Variants in EYA4 observed in about 807,000 individuals in gnomAD.
The protein encoded by EYA4 is protein phosphatase EYA4.
In EYA4, 31 loss-of-function variants were observed where a neutral mutation model predicts 87.9. The ratio of observed to expected loss-of-function variants is 0.35; its 90% confidence interval spans 0.27 to 0.48. The LOEUF is 0.48. Among genes scored for constraint, EYA4 ranks in the 20% least tolerant of loss-of-function variants. The pLI, the probability that EYA4 is intolerant of heterozygous loss-of-function variation, is 0.99. For missense variants in EYA4, 678 were observed against 761.4 expected, an observed-to-expected ratio of 0.89 and a Z score of 1.29; for synonymous variants, 263 against 270.6, an observed-to-expected ratio of 0.97 and a Z score of 0.28.
intron 2 of EYA4, among the ~76,000 whole-genome samples, chr6:133,328,276 A>T (rs73776025): frequency 0.022 from 3,345 of 152,230 alleles, 121 homozygotes; most frequent in African/African-American, 0.077. Flanking sequence ...ATATGTTATC[A>T]CTATTATTAT....
chr6:133,520,581 A>G (rs1330526750), intron 17 of EYA4, among the ~76,000 whole-genome samples: 6 of 124,170 alleles, frequency 4.8e-5, no homozygotes, highest in Admixed American at 3.6e-4. Flanking sequence ...TACAGATTCA[A>G]TGCCATCCCC....
chr6:133,421,041 T>A lies in EYA4; in HGVS notation c.84-25589T>A, dbSNP rs184990333. On this transcript the variant is annotated intron_variant, in intron 3 of 19. Transcript: ENST00000355286. ...TGCAGAAAGGAGATGGATAGACACC[T>A]TTAAAGAATTATTCTTCCCCCACTT... 2.0e-5 allele frequency among the ~76,000 whole-genome samples: 3 copies of A among 152,356 alleles called. No homozygotes were observed. In the East Asian group the frequency reaches 5.8e-4, roughly 29 times the overall value.
At chr6:133,525,041 G>A in intron 18 of EYA4, 113 bp from the exon 19 acceptor site, 3 of 1,613,640 alleles carry the variant, frequency 1.9e-6, no homozygotes, top group Non-Finnish European at 1.7e-6. Flanking sequence ...TGAGCGTATA[G>A]TGTCCAGATT....
At position 133,531,022 on chromosome 6, in the gene EYA4, G is replaced by T; in HGVS notation, c.*2217G>T. On this transcript the variant is annotated 3_prime_UTR_variant, in exon 20 of 20. Coordinates refer to ENST00000355286, the MANE Select transcript of EYA4 (RefSeq NM_004100.5). ...TACTGTATAGCTGGTTTCTTTAAAT[G>T]TTGATAGAATTGTGGCATTACATCT... 1 of 1,372,272 alleles carries T rather than the reference G, an allele frequency of 7.3e-7. No homozygotes were observed. Among genetic ancestry groups the T allele is most frequent in the Non-Finnish European group, 9.4e-7 (1 of 1,065,542 alleles). The allele number at this position is 1,372,272 out of a possible 1,614,324, so 85.0% of individuals were successfully genotyped here.
At chr6:133,356,721 CA>C (rs1373652764) in intron 2 of EYA4, among the ~76,000 whole-genome samples, 2 of 147,732 alleles carry the variant, frequency 1.4e-5, no homozygotes, top group African/African-American at 5.0e-5. Context: ...TATCTATTAG[CA>C]TTTGAAGTGT....
chr6:133,460,165 T>A (rs1368509140), intron 6 of EYA4, among the ~76,000 whole-genome samples: 1 of 152,160 alleles, frequency 6.6e-6, no homozygotes, highest in Non-Finnish European at 1.5e-5. Flanking sequence ...TAACTATGAT[T>A]GATTAGACTA....
intron 3 of EYA4, among the ~76,000 whole-genome samples, chr6:133,387,144 T>A (rs1786821570): frequency 6.6e-6 from 1 of 152,162 alleles, no homozygotes; most frequent in African/African-American, 2.4e-5. Flanking sequence ...TGCAACAGCT[T>A]AAAAAAATGA....
At chr6:133,470,134 C>T (rs1363540732) in intron 11 of EYA4, among the ~76,000 whole-genome samples, 1 of 149,682 alleles carries the variant, frequency 6.7e-6, no homozygotes, top group Non-Finnish European at 1.5e-5. Flanking sequence ...GTTGCCATTG[C>T]TTTTGGTGTT....
intron 13 of EYA4, among the ~76,000 whole-genome samples, chr6:133,505,817 T>C (rs545263144): frequency 4.6e-5 from 7 of 152,340 alleles, no homozygotes; most frequent in African/African-American, 1.4e-4. Context: ...CTGGGTCATA[T>C]GAACTAGCTG....
chr6:133,420,453 G>A (rs1583229623), intron 3 of EYA4, among the ~76,000 whole-genome samples: 2 of 152,118 alleles, frequency 1.3e-5, no homozygotes, highest in South Asian at 4.1e-4. Flanking sequence ...TCCTTGTTAG[G>A]ACAAGAGCTG....
chr6:133,482,916 A>C, intron 12 of EYA4, 116 bp from the exon 13 acceptor site: 1 of 861,034 alleles, frequency 1.2e-6, no homozygotes, highest in Non-Finnish European at 1.8e-6. Context: ...GAATAGTATT[A>C]TTTTCTATTA....
intron 6 of EYA4, 23 bp downstream of exon 6, chr6:133,456,671 C>T (rs762592222): frequency 7.0e-7 from 1 of 1,426,612 alleles, no homozygotes; most frequent in Non-Finnish European, 9.9e-7. Flanking sequence ...GCTCGTGTGT[C>T]CTTACGTACA....
chr6:133,288,443 A>C (rs184170269), intron 2 of EYA4, among the ~76,000 whole-genome samples: 2 of 152,314 alleles, frequency 1.3e-5, no homozygotes, highest in African/African-American at 4.8e-5. Flanking sequence ...GAAAAAGATT[A>C]TCCTGGAGTT....
chr6:133,426,704 C>T (rs979306347), intron 3 of EYA4, among the ~76,000 whole-genome samples: 11 of 152,126 alleles, frequency 7.2e-5, no homozygotes, highest in Non-Finnish European at 1.6e-4. Context: ...CCCACTTGCC[C>T]ATAACAAGCT....
chr6:133,405,990 G>A (rs1788667167), intron 3 of EYA4, among the ~76,000 whole-genome samples: 1 of 151,278 alleles, frequency 6.6e-6, no homozygotes, highest in Non-Finnish European at 1.5e-5. Flanking sequence ...GGAGAGCAGA[G>A]AGAATGCTGC....
At chr6:133,432,064 C>T (rs907856786) in intron 3 of EYA4, among the ~76,000 whole-genome samples, 3 of 149,538 alleles carry the variant, frequency 2.0e-5, no homozygotes, top group South Asian at 2.2e-4. Context: ...CCTTAACAAA[C>T]GGAAGCATTG....
chr6:133,499,559 A>G (rs1019171219), intron 13 of EYA4, among the ~76,000 whole-genome samples: 6 of 152,214 alleles, frequency 3.9e-5, no homozygotes, highest in Non-Finnish European at 1.5e-5. Context: ...AAGCTTGACA[A>G]CATTAACTAC....
At chr6:133,366,239 T>C (rs1313181836) in intron 2 of EYA4, among the ~76,000 whole-genome samples, 2 of 152,220 alleles carry the variant, frequency 1.3e-5, no homozygotes, top group Non-Finnish European at 2.9e-5. Flanking sequence ...CGGCTTTACC[T>C]AAATGAAACA....
intron 3 of EYA4, among the ~76,000 whole-genome samples, chr6:133,393,710 A>G (rs904428589): frequency 4.6e-5 from 7 of 152,236 alleles, no homozygotes; most frequent in East Asian, 1.9e-4. Flanking sequence ...TGTAATTTCA[A>G]TAAACCATTT....
Sources: gnomAD v4.1 joint callset for allele counts (sites outside exome capture counted in the v4.1 genomes callset) on GRCh38, gnomAD v4.1.1 for gene constraint, MANE v1.5 for transcripts, NCBI Gene and HGNC (gene_info 2026-07-23, HGNC 2026-07-21) for gene names.